The following TMEM92 variants were observed in gnomAD, a reference collection of about 807,000 sequenced individuals.
The protein encoded by TMEM92 is transmembrane protein 92.
A neutral mutation model predicts 14.6 loss-of-function variants in TMEM92; 15 were observed. That is an observed-to-expected ratio of 1.03 (90% CI 0.69 to 1.58). The LOEUF (loss-of-function observed/expected upper bound fraction) is 1.58. TMEM92 is among the 40% of genes most tolerant of loss of function. The pLI is 0.00. For missense variants in TMEM92, 174 were observed against 202.4 expected, an observed-to-expected ratio of 0.86 and a Z score of 0.85; for synonymous variants, 85 against 83.3, an observed-to-expected ratio of 1.02 and a Z score of -0.11.
chr17:50,278,986 C>G lies in TMEM92; in HGVS notation c.356C>G (p.Pro119Arg), dbSNP rs749762697. The G allele has an allele frequency of 6.3e-6, 10 of 1,593,684 alleles. No homozygotes were observed. Among genetic ancestry groups the G allele is most frequent in the Admixed American group, 1.7e-5 (1 of 59,072 alleles). ...VRVSLSAPPPPYSEVILKPSL... is the reference protein window; with the variant it reads ...VRVSLSAPPPRYSEVILKPSL... The stretch of plus-strand genomic sequence containing the variant: ...GTATCCCTTTCTGCGCCCCCACCCC[C>G]CTACAGTGAGGTGGGTGTCTCATCC... Residue 119 changes from proline (P) to arginine (R), a missense_variant, in exon 4 of 5, where the codon CCC becomes CGC. Transcript: ENST00000507382.
rs55649994 is a variant in TMEM92 at position 50,278,607 on chromosome 17, C to T, written c.147C>T (p.Asn49=). 107,133 of 1,613,836 alleles carry T rather than the reference C, an allele frequency of 0.066. 4,108 individuals carry two copies. Among genetic ancestry groups the T allele is most frequent in the Non-Finnish European group, 0.077 (90,700 of 1,179,918 alleles). Residue 49 remains asparagine, a synonymous_variant, in exon 3 of 5, where the codon AAC becomes AAT. Coordinates refer to ENST00000507382, the MANE Select transcript of TMEM92 (RefSeq NM_153229.3). The part of the protein sequence containing the change: ...KCCGDSCCQE[N]ELFPGPVRIF... ...GTGGTGACAGCTGCTGCCAGGAGAA[C>T]GAGCTCTTCCCTGGCCCCGTGAGGT... is the stretch of plus-strand genomic sequence containing the variant.
intron 1 of TMEM92, chr17:50,275,180 C>G (rs1910387161): frequency 6.5e-6 from 1 of 153,818 alleles, no homozygotes; most frequent in Non-Finnish European, 1.4e-5. Context: ...CCCAAGTAAA[C>G]TCTACAGGTG....
intron 1 of TMEM92, 77 bp downstream of exon 1, chr17:50,274,647 C>G (rs989315060): frequency 2.3e-6 from 3 of 1,300,234 alleles, no homozygotes; most frequent in Admixed American, 4.3e-5. Flanking sequence ...GGAGCCTGGT[C>G]GCCACCTTCC....
At chr17:50,273,776 C>T (rs1043721499), upstream of TMEM92, among the ~76,000 whole-genome samples, 1 of 152,156 alleles carries the variant, frequency 6.6e-6, no homozygotes, top group East Asian at 1.9e-4. Flanking sequence ...TCCCCTCCCT[C>T]AACCTCTGCC....
chr17:50,277,419 G>A (rs1224282588), intron 1 of TMEM92, among the ~76,000 whole-genome samples: 1 of 152,000 alleles, frequency 6.6e-6, no homozygotes, highest in Non-Finnish European at 1.5e-5. Context: ...CTGAGCCATG[G>A]GTGTCACGGT....
Position 50,280,372 on chromosome 17 carries a change from C to A in TMEM92, c.*1064C>A, listed in dbSNP as rs937758991. 2 of 152,194 alleles carry A rather than the reference C, an allele frequency of 1.3e-5. No individual in the cohort carries two copies. Among genetic ancestry groups the A allele is most frequent in the African/African-American group, 4.8e-5 (2 of 41,406 alleles). 9.4% of individuals were successfully genotyped at this position (152,194 alleles called of 1,614,324 possible). The stretch of plus-strand genomic sequence containing the variant: ...GCAGGTTCCACCCTTCTCTACCAGC[C>A]CCGCTCGCTCGTGGGAGTTAACCCC... On this transcript the variant is annotated 3_prime_UTR_variant, in exon 5 of 5. Coordinates refer to ENST00000507382, the MANE Select transcript of TMEM92 (RefSeq NM_153229.3).
intron 1 of TMEM92, among the ~76,000 whole-genome samples, chr17:50,276,047 CT>C (rs1489867428): frequency 6.6e-6 from 1 of 152,014 alleles, no homozygotes; most frequent in East Asian, 1.9e-4. Context: ...AGGAGTATCA[CT>C]TGAACCTGGG....
upstream of TMEM92, among the ~76,000 whole-genome samples, chr17:50,273,943 T>C (rs1269798045): frequency 6.6e-6 from 1 of 151,810 alleles, no homozygotes; most frequent in Non-Finnish European, 1.5e-5. Flanking sequence ...CGGTGTGGAG[T>C]TGATCCCACC....
chr17:50,278,433 C>T, intron 2 of TMEM92, 123 bp from the exon 3 acceptor site: 1 of 1,086,972 alleles, frequency 9.2e-7, no homozygotes, highest in South Asian at 1.4e-5. Flanking sequence ...TACCCCCCAC[C>T]CCACTAAGGG....
Position 50,279,271 on chromosome 17 carries a change from C to T in TMEM92, c.443C>T (p.Thr148Ile). The T allele has an allele frequency of 6.2e-7, 1 of 1,613,784 alleles. No individual in the cohort carries two copies. Residue 148 changes from threonine to isoleucine, a missense_variant, in exon 5 of 5, where the codon ACC becomes ATC. Physicochemically the swap from Thr to Ile is moderately conservative, Grantham distance 89. Transcript: ENST00000507382. ...PPYSFRPEEYTGDQRGIDNPA... is the reference protein window; with the variant it reads ...PPYSFRPEEYIGDQRGIDNPA... The stretch of plus-strand genomic sequence containing the variant: ...TACAGCTTCAGGCCTGAAGAATATA[C>T]CGGGGATCAGAGGGGCATTGACAAC...
upstream of TMEM92, among the ~76,000 whole-genome samples, chr17:50,273,692 C>CT (rs1910325955): frequency 6.6e-6 from 1 of 152,230 alleles, no homozygotes; most frequent in Non-Finnish European, 1.5e-5. Context: ...CTGTCCCTCC[C>CT]TTTTTGGTCA....
At position 50,279,456 on chromosome 17, in the gene TMEM92, C is replaced by T; in HGVS notation, c.*148C>T. 4.4e-6 allele frequency: 3 copies of T among 687,282 alleles called. No individual in the cohort carries two copies. The South Asian group carries it at 4.9e-5, about 11-fold the overall frequency. 42.6% of individuals were successfully genotyped at this position (687,282 alleles called of 1,614,324 possible). ...TGGATTTAACTTATTACTTTTTCTG[C>T]TTCTGTTTCCACCCCAGCTGCCTCT... On this transcript the variant is annotated 3_prime_UTR_variant, in exon 5 of 5. Transcript: ENST00000507382.
intron 1 of TMEM92, among the ~76,000 whole-genome samples, chr17:50,276,080 G>A (rs961811212): frequency 2.0e-5 from 3 of 151,980 alleles, no homozygotes; most frequent in Non-Finnish European, 4.4e-5. Flanking sequence ...GCAGTGAGCC[G>A]AGATCGCACC....
At chr17:50,274,101 C>T (rs1319125035), upstream of TMEM92, among the ~76,000 whole-genome samples, 2 of 152,140 alleles carry the variant, frequency 1.3e-5, no homozygotes, top group Admixed American at 6.5e-5. Flanking sequence ...GCCTCAGGCT[C>T]CTGAGTAGTT....
upstream of TMEM92, among the ~76,000 whole-genome samples, chr17:50,271,762 G>A (rs1255717603): frequency 1.3e-5 from 2 of 152,184 alleles, no homozygotes; most frequent in Non-Finnish European, 2.9e-5. Flanking sequence ...CATGGGCCCA[G>A]GTGTAGTAGC....
At chr17:50,274,373 C>A, upstream of TMEM92, 3 of 904,876 alleles carry the variant, frequency 3.3e-6, no homozygotes, top group Non-Finnish European at 5.3e-6. Context: ...CCCCTCCCTG[C>A]CCCGAGTCCG....
At chr17:50,275,768 G>A (rs578103609) in intron 1 of TMEM92, among the ~76,000 whole-genome samples, 1 of 152,300 alleles carries the variant, frequency 6.6e-6, no homozygotes, top group African/African-American at 2.4e-5. Flanking sequence ...GTCTGAGGGG[G>A]AAGGGGTGCT....
At chr17:50,273,687 C>T (rs1046270065), upstream of TMEM92, among the ~76,000 whole-genome samples, 5 of 152,226 alleles carry the variant, frequency 3.3e-5, no homozygotes, top group African/African-American at 1.2e-4. Flanking sequence ...CTGCTCTGTC[C>T]CTCCCTTTTT....
chr17:50,272,492 C>G (rs77525460), upstream of TMEM92, among the ~76,000 whole-genome samples: 330 of 152,204 alleles, frequency 2.2e-3, 3 homozygotes, highest in African/African-American at 7.6e-3. Flanking sequence ...AAGTTGGCAA[C>G]GACTCAAGAG....
Sources: gnomAD v4.1 joint callset for allele counts (sites outside exome capture counted in the v4.1 genomes callset) on GRCh38, gnomAD v4.1.1 for gene constraint, MANE v1.5 for transcripts, NCBI Gene and HGNC (gene_info 2026-07-23, HGNC 2026-07-21) for gene names.